ATP10B: variants seen among roughly 807,000 people sequenced by gnomAD.
ATP10B encodes the protein ATPase phospholipid transporting 10B (putative), also known as phospholipid-transporting ATPase VB.
ATP10B carries 122 observed loss-of-function variants against 141.2 expected under a neutral mutation model. The ratio of observed to expected loss-of-function variants is 0.86; its 90% confidence interval spans 0.75 to 1.00. The LOEUF is 1.00. ATP10B is among the 50% of genes least tolerant of loss of function. The pLI is 0.00. For synonymous variants in ATP10B, 685 were observed against 692.0 expected, an observed-to-expected ratio of 0.99 and a Z score of 0.16; for missense variants, 1,876 against 1,825.3, an observed-to-expected ratio of 1.03 and a Z score of -0.51.
Position 160,615,929 on chromosome 5 carries a change from A to G in ATP10B, c.2562T>C (p.Ser854=). 6.2e-7 allele frequency: 1 copy of G among 1,613,966 alleles called. No homozygotes were observed. Among genetic ancestry groups the G allele is most frequent in the Non-Finnish European group, 8.5e-7 (1 of 1,179,888 alleles). Residue 854 remains serine, a synonymous_variant, in exon 17 of 26, where the codon AGT becomes AGC. Coordinates refer to ENST00000327245, the MANE Select transcript of ATP10B (RefSeq NM_025153.3). ...VSEEDFRRWA[S]FRREAEASLD... ...GGGATGCCTCAGCCTCACGCCGGAA[A>G]CTGGCCCATCTCCGGAAGTCCTCTT... is the stretch of plus-strand genomic sequence containing the variant.
chr5:160,578,945 C>T (rs915500678), intron 24 of ATP10B, among the ~76,000 whole-genome samples: 17 of 152,122 alleles, frequency 1.1e-4, no homozygotes, highest in Non-Finnish European at 2.4e-4. Flanking sequence ...TGATGATGAG[C>T]TTTTTTCATA....
chr5:160,580,707 T>G (rs1264865175), intron 24 of ATP10B, among the ~76,000 whole-genome samples: 2 of 152,358 alleles, frequency 1.3e-5, no homozygotes, highest in African/African-American at 4.8e-5. Flanking sequence ...CTTTTTTTAT[T>G]GTTTGGAATA....
chr5:160,671,090 G>T (rs1762667378), intron 6 of ATP10B, among the ~76,000 whole-genome samples: 1 of 149,962 alleles, frequency 6.7e-6, no homozygotes, highest in Non-Finnish European at 1.5e-5. Flanking sequence ...GCTTGAACCT[G>T]GGAGGCGGAG....
chr5:160,759,451 T>C (rs923529852), intron 2 of ATP10B, among the ~76,000 whole-genome samples: 8 of 152,264 alleles, frequency 5.3e-5, no homozygotes, highest in Admixed American at 2.6e-4. Flanking sequence ...TCATAAATGA[T>C]GTGTCTATAA....
chr5:160,624,599 A>T (rs1758517605), intron 13 of ATP10B, among the ~76,000 whole-genome samples: 1 of 152,244 alleles, frequency 6.6e-6, no homozygotes, highest in Non-Finnish European at 1.5e-5. Flanking sequence ...GGGCACACAC[A>T]TATTATCCAT....
intron 7 of ATP10B, among the ~76,000 whole-genome samples, chr5:160,663,505 T>A (rs1457743653): frequency 6.6e-6 from 1 of 152,190 alleles, no homozygotes; most frequent in African/African-American, 2.4e-5. Context: ...TGGATGAAGC[T>A]GCAAACCATC....
At chr5:160,623,160 T>A (rs990203619) in intron 13 of ATP10B, among the ~76,000 whole-genome samples, 1 of 152,224 alleles carries the variant, frequency 6.6e-6, no homozygotes, top group Non-Finnish European at 1.5e-5. Context: ...TGTATTCCTC[T>A]GATCACACTT....
intron 7 of ATP10B, among the ~76,000 whole-genome samples, chr5:160,662,251 C>T (rs1461435482): frequency 6.6e-6 from 1 of 152,146 alleles, no homozygotes; most frequent in African/African-American, 2.4e-5. Context: ...ATGCCATCCC[C>T]ATCAAGCTAC....
chr5:160,858,537 G>C, the ATP10B span, among the ~76,000 whole-genome samples: 1 of 151,858 alleles, frequency 6.6e-6, no homozygotes, highest in African/African-American at 2.4e-5. Context: ...GGAGGAAAAA[G>C]GCAGGCTGCA....
At chr5:160,797,393 A>AG (rs993779355) in intron 1 of ATP10B, among the ~76,000 whole-genome samples, 2 of 152,154 alleles carry the variant, frequency 1.3e-5, no homozygotes, top group African/African-American at 4.8e-5. Context: ...CGAGACCACT[A>AG]GCTTTGCTAA....
chr5:160,854,251 C>T (rs985637580), upstream of ATP10B, among the ~76,000 whole-genome samples: 2 of 152,044 alleles, frequency 1.3e-5, no homozygotes, highest in Non-Finnish European at 2.9e-5. Context: ...TAGGTATACA[C>T]GTGCCATGGT....
chr5:160,738,414 AATAAAT>A (rs368725891), intron 2 of ATP10B, among the ~76,000 whole-genome samples: 59 of 152,212 alleles, frequency 3.9e-4, no homozygotes, highest in African/African-American at 1.3e-3. Context: ...GGAAAAAGAC[AATAAAT>A]ATAAGTTTAA....
At chr5:160,639,495 G>A (rs780066345) in intron 10 of ATP10B, among the ~76,000 whole-genome samples, 9 of 152,158 alleles carry the variant, frequency 5.9e-5, no homozygotes, top group Non-Finnish European at 1.2e-4. Context: ...AGAGGAAAAT[G>A]TAGGCAGAGA....
the ATP10B span, among the ~76,000 whole-genome samples, chr5:160,883,219 C>G: frequency 1.3e-5 from 2 of 152,098 alleles, no homozygotes; most frequent in Non-Finnish European, 2.9e-5. Flanking sequence ...AACAGAGAAA[C>G]ATTTTTGAAC....
intron 9 of ATP10B, 33 bp from the exon 10 acceptor site, chr5:160,640,625 G>T: frequency 1.2e-6 from 2 of 1,612,180 alleles, no homozygotes; most frequent in African/African-American, 1.3e-5. Flanking sequence ...CAGTCCCTTA[G>T]TTCCTGTTTG....
At chr5:160,860,048 G>T in the ATP10B span, among the ~76,000 whole-genome samples, 1 of 151,682 alleles carries the variant, frequency 6.6e-6, no homozygotes, top group East Asian at 1.9e-4. Flanking sequence ...ATAAAACAAC[G>T]TACAAAGCCA....
intron 2 of ATP10B, among the ~76,000 whole-genome samples, chr5:160,752,314 A>G (rs1238392043): frequency 1.3e-5 from 2 of 152,054 alleles, no homozygotes; most frequent in Non-Finnish European, 2.9e-5. Context: ...CCTAAAGTCC[A>G]GAGAGGCTAA....
rs185661444 is a variant in ATP10B, at chr5:160,701,389, C to A, written c.-204-12446G>T. On this transcript the variant is annotated intron_variant, in intron 3 of 25. Coordinates refer to ENST00000327245, the MANE Select transcript of ATP10B (RefSeq NM_025153.3). ...TCCATCTTTCTCTCCCACTGACACACCATCATTACCAGCATGCTGTAACCC... is the reference window on the plus strand; with the variant it reads ...TCCATCTTTCTCTCCCACTGACACAACATCATTACCAGCATGCTGTAACCC... Among the ~76,000 whole-genome samples the A allele has an allele frequency of 4.5e-3, 683 of 152,318 alleles. 8 individuals are homozygous for A. The highest frequency in any genetic ancestry group is 0.016 in the African/African-American group (656 of 41,568).
intron 1 of ATP10B, among the ~76,000 whole-genome samples, chr5:160,795,388 T>C (rs1192636914): frequency 6.6e-6 from 1 of 152,130 alleles, no homozygotes. Flanking sequence ...TCTACTGTAC[T>C]CTCTTGGGTA....
Sources: gnomAD v4.1 joint callset for allele counts (sites outside exome capture counted in the v4.1 genomes callset) on GRCh38, gnomAD v4.1.1 for gene constraint, MANE v1.5 for transcripts, NCBI Gene and HGNC (gene_info 2026-07-23, HGNC 2026-07-21) for gene names.